GAS7: variants seen among roughly 807,000 people sequenced by gnomAD.
GAS7 encodes growth arrest specific 7.
In GAS7, 28 loss-of-function variants were observed where a neutral mutation model predicts 71.1. The observed-to-expected ratio is 0.39, with a 90% confidence interval of 0.29 to 0.54. The LOEUF is 0.54. Among genes scored for constraint, GAS7 ranks in the 20% least tolerant of loss-of-function variants. GAS7 has a pLI of 0.62. For synonymous variants in GAS7, 258 were observed against 245.8 expected (o/e 1.05, Z -0.46); for missense variants, 436 against 627.8 (o/e 0.69, Z 3.27).
intron 1 of GAS7, among the ~76,000 whole-genome samples, chr17:10,121,352 G>A (rs1288333072): frequency 2.6e-5 from 4 of 152,184 alleles, no homozygotes; most frequent in Admixed American, 2.0e-4. Flanking sequence ...CTGCACTCCA[G>A]CCTGGGCAAC....
At chr17:10,052,103 T>C (rs2073070156) in intron 1 of GAS7, among the ~76,000 whole-genome samples, 1 of 152,010 alleles carries the variant, frequency 6.6e-6, no homozygotes, top group Non-Finnish European at 1.5e-5. Context: ...CACCCCACAC[T>C]GTCCCCCGAT....
intron 1 of GAS7, among the ~76,000 whole-genome samples, chr17:10,146,146 C>G (rs2074119502): frequency 6.6e-6 from 1 of 152,162 alleles, no homozygotes; most frequent in Non-Finnish European, 1.5e-5. Context: ...CATCGAGCAC[C>G]AAGGCACCCT....
intron 1 of GAS7, among the ~76,000 whole-genome samples, chr17:10,133,121 T>C: frequency 8.4e-6 from 1 of 119,650 alleles, no homozygotes; most frequent in Admixed American, 9.1e-5. Flanking sequence ...TATATTTTTA[T>C]ATTTTTTTTT....
At chr17:10,099,255 C>T (rs941283495) in intron 1 of GAS7, among the ~76,000 whole-genome samples, 3 of 152,156 alleles carry the variant, frequency 2.0e-5, no homozygotes, top group East Asian at 3.9e-4. Flanking sequence ...AGCGCCTGTT[C>T]CACCAGCCCA....
At position 9,913,295 on chromosome 17, in the gene GAS7, C is replaced by T. The variant is rs929803675; in HGVS notation, c.*3933G>A. 8 of 232,340 alleles carry T rather than the reference C, an allele frequency of 3.4e-5. No individual in the cohort carries two copies. The highest frequency in any genetic ancestry group is 6.0e-5 in the Non-Finnish European group (7 of 117,456). 14.4% of individuals were successfully genotyped at this position (232,340 alleles called of 1,614,324 possible). ...GGCAGCTGATCTGTACCCCACTTAA[C>T]ATTAGAAGTGCTCTCTCCGACCTAC... On this transcript the variant is annotated 3_prime_UTR_variant, in exon 14 of 14. Transcript: ENST00000432992.
rs924186481 is a variant in GAS7, at chr17:9,919,971, G to A, written c.1139-266C>T. ...GATTCAGGATGGTGGTTCTCATTTT[G>A]TGTGTGTGTGTGTGTGTGTGTGTGT... is the stretch of plus-strand genomic sequence containing the variant. On this transcript the variant is annotated intron_variant, in intron 11 of 13. Transcript: ENST00000432992. This position sits in a 1 kb window ranked among gnomAD's most constrained non-coding sequence, Gnocchi z 5.0. 1.8e-5 allele frequency among the ~76,000 whole-genome samples: 1 copy of A among 55,264 alleles called. No individual in the cohort carries two copies. 36.3% of individuals were successfully genotyped at this position (55,264 alleles called of 152,430 possible). A position where few individuals can be genotyped will look rare whatever the true frequency, so the allele number is the denominator to read the frequency against.
chr17:10,146,713 G>C (rs372510529), intron 1 of GAS7, among the ~76,000 whole-genome samples: 1 of 152,124 alleles, frequency 6.6e-6, no homozygotes, highest in Non-Finnish European at 1.5e-5. Flanking sequence ...GGCCGGGCGC[G>C]GTGGCTCACA....
chr17:9,910,861 A>T lies in GAS7; in HGVS notation c.*6367T>A. On this transcript the variant is annotated 3_prime_UTR_variant, in exon 14 of 14. Coordinates refer to ENST00000432992, the MANE Select transcript of GAS7 (RefSeq NM_201433.2). ...GCAGCCAGAGGGTGGAAGGATATAC[A>T]ATGTGGAGGAAACACATTCATACCG... The T allele has an allele frequency of 4.4e-6, 1 of 229,080 alleles. No homozygotes were observed. Among genetic ancestry groups the T allele is most frequent in the East Asian group, 6.2e-5 (1 of 16,022 alleles). The allele number at this position is 229,080 out of a possible 1,614,324, so 14.2% of individuals were successfully genotyped here.
intron 1 of GAS7, among the ~76,000 whole-genome samples, chr17:10,056,819 AC>A (rs2039973097): frequency 2.7e-5 from 4 of 149,756 alleles, no homozygotes; most frequent in African/African-American, 7.4e-5. Flanking sequence ...CTCTCTTTCC[AC>A]GGTCTCCCTC....
intron 1 of GAS7, among the ~76,000 whole-genome samples, chr17:10,106,270 T>C (rs1235943719): frequency 6.6e-6 from 1 of 152,148 alleles, no homozygotes; most frequent in African/African-American, 2.4e-5. Flanking sequence ...TCTCTTACCT[T>C]CCAGGTGTGG....
intron 3 of GAS7, among the ~76,000 whole-genome samples, chr17:9,978,493 AAAT>A (rs2070291036): frequency 1.3e-5 from 2 of 151,490 alleles, no homozygotes; most frequent in Admixed American, 1.3e-4. Flanking sequence ...CTACAGAAAA[AAAT>A]AATAATAAGA....
At chr17:9,925,778 A>C (rs1328523573) in intron 10 of GAS7, among the ~76,000 whole-genome samples, 179 bp from the exon 11 acceptor site, 1 of 152,022 alleles carries the variant, frequency 6.6e-6, no homozygotes, top group Non-Finnish European at 1.5e-5. Context: ...AGAGGCTACA[A>C]CCCAACTCTT....
intron 1 of GAS7, among the ~76,000 whole-genome samples, chr17:10,177,212 C>G (rs1294567907): frequency 2.6e-5 from 4 of 152,138 alleles, no homozygotes; most frequent in Admixed American, 2.0e-4. Flanking sequence ...TGGGCTGGAT[C>G]TTGATAAAAG....
At chr17:10,173,452 G>A (rs1405081248) in intron 1 of GAS7, among the ~76,000 whole-genome samples, 6 of 152,104 alleles carry the variant, frequency 3.9e-5, no homozygotes, top group Non-Finnish European at 8.8e-5. Context: ...TCAGGGACCC[G>A]AGGAGCTCTG....
intron 1 of GAS7, among the ~76,000 whole-genome samples, chr17:10,097,603 T>G (rs2157699): frequency 0.031 from 4,718 of 152,256 alleles, 228 homozygotes; most frequent in African/African-American, 0.11. Flanking sequence ...GTTTTTCACA[T>G]TTTTACAAAC....
intron 1 of GAS7, among the ~76,000 whole-genome samples, chr17:10,162,236 A>G (rs1360205512): frequency 0.014 from 1 of 72 alleles, no homozygotes; most frequent in Non-Finnish European, 0.033. Context: ...CCCGGCCTGA[A>G]GAAGCAGCGC....
chr17:10,094,559 C>G lies in GAS7; in HGVS notation c.184-74662G>C, dbSNP rs1304996226. On this transcript the variant is annotated intron_variant, in intron 1 of 13. Transcript: ENST00000432992. Reference sequence around the variant, plus strand: ...TCTCGGCTCACTGCAACCTCCGCCTCCTGGATTCAAGCAATTCTCCTGCCT... The same window carrying G: ...TCTCGGCTCACTGCAACCTCCGCCTGCTGGATTCAAGCAATTCTCCTGCCT... Among the ~76,000 whole-genome samples the G allele has an allele frequency of 2.0e-5, 3 of 151,988 alleles. No homozygotes were observed. In the East Asian group the frequency reaches 5.8e-4, roughly 29 times the overall value.
At chr17:10,049,616 T>C (rs1378718180) in intron 1 of GAS7, among the ~76,000 whole-genome samples, 6,868 of 122,822 alleles carry the variant, frequency 0.056, 553 homozygotes, top group African/African-American at 0.17. Context: ...CTTCTTTTTT[T>C]TTTTTTTTTT....
intron 1 of GAS7, among the ~76,000 whole-genome samples, chr17:10,097,678 T>C (rs570637019): frequency 6.6e-6 from 1 of 152,020 alleles, no homozygotes; most frequent in Admixed American, 6.6e-5. Context: ...CGCAGGCAGG[T>C]ATGGCAGGCA....
Sources: allele counts gnomAD v4.1 joint callset (sites outside exome capture counted in the v4.1 genomes callset), GRCh38; gene constraint gnomAD v4.1.1; non-coding constraint Gnocchi (gnomAD v3.1); transcripts MANE v1.5; gene names NCBI Gene and HGNC (gene_info 2026-07-23, HGNC 2026-07-21).